SMOC2: variants seen among roughly 807,000 people sequenced by gnomAD.
The protein encoded by SMOC2 is SPARC-related modular calcium-binding protein 2.
In SMOC2, 39 loss-of-function variants were observed where a neutral mutation model predicts 61.4. That is an observed-to-expected ratio of 0.64 (90% CI 0.49 to 0.83). The LOEUF (loss-of-function observed/expected upper bound fraction) is 0.83, where lower values mean the gene tolerates loss of function less well. Among genes scored for constraint, SMOC2 ranks in the 40% least tolerant of loss-of-function variants. The probability of loss-of-function intolerance (pLI) is 0.00; values close to 1 mark genes in which losing one functional copy is unlikely to be tolerated. For missense variants in SMOC2, 556 were observed against 592.9 expected, an observed-to-expected ratio of 0.94 and a Z score of 0.65; for synonymous variants, 247 against 239.9, an observed-to-expected ratio of 1.03 and a Z score of -0.27.
chr6:168,533,611 A>G (rs909129000), intron 4 of SMOC2, among the ~76,000 whole-genome samples: 1 of 152,180 alleles, frequency 6.6e-6, no homozygotes, highest in Non-Finnish European at 1.5e-5. Flanking sequence ...CCTGGTAGAA[A>G]TCATTCAGGG....
chr6:168,506,792 C>CATTT (rs1489375139), intron 1 of SMOC2, among the ~76,000 whole-genome samples: 1 of 152,142 alleles, frequency 6.6e-6, no homozygotes, highest in African/African-American at 2.4e-5. Flanking sequence ...TTGCATTCTA[C>CATTT]ATTTAGCAAA....
chr6:168,448,515 TGATGGGGAGGAGGATGAG>T (rs1352956850), intron 1 of SMOC2, among the ~76,000 whole-genome samples: 1 of 96,120 alleles, frequency 1.0e-5, no homozygotes, highest in Non-Finnish European at 2.1e-5. Flanking sequence ...GTGAGGATGG[TGATGGGGAGGAGGATGAG>T]GATGGGGAGG....
At chr6:168,530,120 A>T (rs1366268427) in intron 4 of SMOC2, among the ~76,000 whole-genome samples, 1 of 152,206 alleles carries the variant, frequency 6.6e-6, no homozygotes, top group Non-Finnish European at 1.5e-5. Context: ...TCAGACAATG[A>T]GATTTAAAAA....
chr6:168,582,413 A>C (rs950234728), intron 7 of SMOC2, among the ~76,000 whole-genome samples: 1 of 152,170 alleles, frequency 6.6e-6, no homozygotes, highest in African/African-American at 2.4e-5. Context: ...TCCTCAGTCC[A>C]GAGGGTCCCA....
intron 7 of SMOC2, among the ~76,000 whole-genome samples, chr6:168,585,798 A>G (rs1252492209): frequency 1.3e-5 from 2 of 152,244 alleles, no homozygotes; most frequent in East Asian, 1.9e-4. Flanking sequence ...TCAGTCACAC[A>G]TCTTTCATTT....
rs545389793 is a variant in SMOC2, at chr6:168,528,636, A to G, written c.463+909A>G. Among the ~76,000 whole-genome samples, 3 of 152,362 alleles carry G rather than the reference A, an allele frequency of 2.0e-5. No homozygotes were observed. In the South Asian group the frequency reaches 6.2e-4, roughly 32 times the overall value. ...TGAGCCATGGCCCTGGCCAGAACTC[A>G]TGACCTCTGTGGGTTCCAGGAGAAT... is the stretch of plus-strand genomic sequence containing the variant. On this transcript the variant is annotated intron_variant, in intron 4 of 12. Transcript: ENST00000356284.
intron 9 of SMOC2, among the ~76,000 whole-genome samples, chr6:168,633,632 A>C (rs906951610): frequency 1.3e-5 from 2 of 152,248 alleles, no homozygotes; most frequent in Non-Finnish European, 2.9e-5. Flanking sequence ...CAGAAGAAGA[A>C]GTGAGTCCTC....
At chr6:168,551,771 AT>A (rs983403567) in intron 7 of SMOC2, among the ~76,000 whole-genome samples, 2 of 152,270 alleles carry the variant, frequency 1.3e-5, no homozygotes, top group African/African-American at 4.8e-5. Context: ...ATAAATGTAC[AT>A]TTTTTTAAGC....
At chr6:168,447,224 G>A (rs1039778748) in intron 1 of SMOC2, among the ~76,000 whole-genome samples, 1 of 151,990 alleles carries the variant, frequency 6.6e-6, no homozygotes, top group Non-Finnish European at 1.5e-5. Flanking sequence ...ACGCTACAAC[G>A]CCTGGCTAAT....
intron 9 of SMOC2, among the ~76,000 whole-genome samples, chr6:168,613,343 G>C (rs373500199): frequency 2.0e-5 from 3 of 152,154 alleles, no homozygotes; most frequent in African/African-American, 7.2e-5. Flanking sequence ...TGGTTCAGCA[G>C]TGGCACCAGT....
At chr6:168,486,002 G>C (rs376521229) in intron 1 of SMOC2, among the ~76,000 whole-genome samples, 8 of 152,232 alleles carry the variant, frequency 5.3e-5, no homozygotes, top group African/African-American at 1.9e-4. Context: ...TAGGGGCAAG[G>C]GTTATGCAAT....
intron 7 of SMOC2, among the ~76,000 whole-genome samples, chr6:168,592,144 C>A (rs968786475): frequency 6.6e-6 from 1 of 152,238 alleles, no homozygotes; most frequent in African/African-American, 2.4e-5. Flanking sequence ...CCACCATGAT[C>A]CTTGGAGCAG....
intron 9 of SMOC2, among the ~76,000 whole-genome samples, chr6:168,633,729 G>A (rs1786633132): frequency 6.6e-6 from 1 of 152,180 alleles, no homozygotes. Context: ...TTGGAGCAGA[G>A]ACACTGTCAT....
intron 1 of SMOC2, among the ~76,000 whole-genome samples, chr6:168,458,849 GTT>G (rs1248167554): frequency 7.2e-5 from 11 of 152,314 alleles, no homozygotes; most frequent in African/African-American, 2.6e-4. Context: ...GCAGGAAGAT[GTT>G]TGCTTATACT....
At chr6:168,648,448 A>G (rs1048973975) in intron 9 of SMOC2, among the ~76,000 whole-genome samples, 1 of 152,170 alleles carries the variant, frequency 6.6e-6, no homozygotes, top group African/African-American at 2.4e-5. Context: ...CTTCCTGGTT[A>G]GTCCTGCAGC....
At chr6:168,600,293 G>C (rs1785508764) in intron 8 of SMOC2, among the ~76,000 whole-genome samples, 1 of 151,800 alleles carries the variant, frequency 6.6e-6, no homozygotes, top group South Asian at 2.1e-4. Flanking sequence ...TGTAATCCCA[G>C]CTACTCAGGA....
At chr6:168,510,255 C>T (rs1194637775) in intron 2 of SMOC2, among the ~76,000 whole-genome samples, 169 bp downstream of exon 2, 2 of 152,158 alleles carry the variant, frequency 1.3e-5, no homozygotes, top group African/African-American at 2.4e-5. Context: ...ATTTTAAGAG[C>T]AGTCTTTTTT....
intron 11 of SMOC2, among the ~76,000 whole-genome samples, chr6:168,658,254 T>C (rs1429532037): frequency 6.6e-6 from 1 of 152,204 alleles, no homozygotes; most frequent in Non-Finnish European, 1.5e-5. Context: ...CCCATCTGCA[T>C]GTGATGAGTG....
rs935175445 is a variant in SMOC2, at chr6:168,534,825, A to G, written c.463+7098A>G. Among the ~76,000 whole-genome samples, 4 of 152,278 alleles carry G rather than the reference A, an allele frequency of 2.6e-5. No individual in the cohort carries two copies. In the South Asian group the frequency reaches 8.3e-4, roughly 32 times the overall value. ...AATGGCCCTTTGTTGCACCTCATCT[A>G]CAAGTGACTTTTCGCTCCTGTTTTC... On this transcript the variant is annotated intron_variant, in intron 4 of 12. Transcript: ENST00000356284.
Sources: gnomAD v4.1 joint callset for allele counts (sites outside exome capture counted in the v4.1 genomes callset) on GRCh38, gnomAD v4.1.1 for gene constraint, MANE v1.5 for transcripts, NCBI Gene and HGNC (gene_info 2026-07-23, HGNC 2026-07-21) for gene names.